RANBP2: variants seen among roughly 807,000 people sequenced by gnomAD.
RANBP2 encodes RAN binding protein 2.
RANBP2 carries 57 observed loss-of-function variants against 303.6 expected under a neutral mutation model. The observed-to-expected ratio is 0.19, with a 90% CI of 0.15 to 0.23. RANBP2 has a LOEUF of 0.23. RANBP2 is among the 10% of genes least tolerant of loss of function. The pLI is 1.00. For synonymous variants in RANBP2, 1,167 were observed against 1,301.5 expected (o/e 0.90, Z 2.23); for missense variants, 3,138 against 3,780.8 (o/e 0.83, Z 4.46).
the RANBP2 span, among the ~76,000 whole-genome samples, chr2:109,342,258 G>A: frequency 6.6e-6 from 1 of 152,178 alleles, no homozygotes; most frequent in Non-Finnish European, 1.5e-5. Context: ...TGGGCAACAT[G>A]GACTGTGAAT....
chr2:109,526,126 C>A, the RANBP2 span, among the ~76,000 whole-genome samples: 1 of 152,066 alleles, frequency 6.6e-6, no homozygotes, highest in East Asian at 1.9e-4. Flanking sequence ...AGACTAAGTT[C>A]CTTATGTCTT....
chr2:109,158,887 G>A, the RANBP2 span, among the ~76,000 whole-genome samples: 39,439 of 152,148 alleles, frequency 0.26, 5,486 homozygotes, highest in East Asian at 0.45. Context: ...AAGTCAAGGC[G>A]GGTGGATCAC....
the RANBP2 span, among the ~76,000 whole-genome samples, chr2:109,242,983 C>T: frequency 4.1e-4 from 63 of 152,350 alleles, no homozygotes; most frequent in Middle Eastern, 3.4e-3. Context: ...TTCCGTGACT[C>T]ATGGTTCTGT....
the RANBP2 span, among the ~76,000 whole-genome samples, chr2:108,970,475 A>G: frequency 1.3e-5 from 2 of 152,132 alleles, no homozygotes; most frequent in Non-Finnish European, 2.9e-5. Context: ...ACTGAGACAC[A>G]AGGAGGGCAG....
At chr2:109,318,471 G>A in the RANBP2 span, among the ~76,000 whole-genome samples, 6 of 152,168 alleles carry the variant, frequency 3.9e-5, no homozygotes, top group African/African-American at 1.2e-4. Context: ...CGGCATACGC[G>A]TTTATCTGAG....
chr2:108,929,341 G>A, the RANBP2 span: 9 of 1,613,946 alleles, frequency 5.6e-6, no homozygotes, highest in African/African-American at 5.3e-5. Flanking sequence ...GGCAGGGGAC[G>A]CAGCCGTAGT....
At chr2:109,196,688 C>T in the RANBP2 span, among the ~76,000 whole-genome samples, 1 of 152,172 alleles carries the variant, frequency 6.6e-6, no homozygotes, top group Non-Finnish European at 1.5e-5. Flanking sequence ...GGGGCTGGCT[C>T]TGTGAATCCT....
chr2:109,052,936 C>T, the RANBP2 span, among the ~76,000 whole-genome samples: 2 of 152,230 alleles, frequency 1.3e-5, no homozygotes, highest in Non-Finnish European at 2.9e-5. Flanking sequence ...CTATGTTTGT[C>T]CTTAAGCCAA....
At chr2:109,653,001 G>C in the RANBP2 span, among the ~76,000 whole-genome samples, 2 of 151,950 alleles carry the variant, frequency 1.3e-5, no homozygotes, top group Admixed American at 1.3e-4. Flanking sequence ...AGAAATAATT[G>C]CCTTTTGTGT....
At chr2:109,424,437 AT>A in the RANBP2 span, among the ~76,000 whole-genome samples, 1 of 151,982 alleles carries the variant, frequency 6.6e-6, no homozygotes, top group Non-Finnish European at 1.5e-5. Flanking sequence ...GGCAAACCTC[AT>A]TTCATCGCAC....
the RANBP2 span, among the ~76,000 whole-genome samples, chr2:108,813,516 A>G: frequency 3.9e-5 from 6 of 152,116 alleles, no homozygotes; most frequent in African/African-American, 1.4e-4. Flanking sequence ...ATTGCTTAGT[A>G]TGTTTTGACA....
the RANBP2 span, among the ~76,000 whole-genome samples, chr2:109,529,059 C>T: frequency 6.6e-6 from 1 of 152,210 alleles, no homozygotes; most frequent in Admixed American, 6.5e-5. Flanking sequence ...GTCACAGCAG[C>T]CGCAGGAAAC....
the RANBP2 span, among the ~76,000 whole-genome samples, chr2:108,843,944 T>G: frequency 2.0e-5 from 3 of 147,696 alleles, no homozygotes; most frequent in African/African-American, 7.5e-5. Context: ...AGGCTGGAGT[T>G]CAGTGGCACA....
At chr2:109,760,758 C>T in the RANBP2 span, among the ~76,000 whole-genome samples, 3 of 143,698 alleles carry the variant, frequency 2.1e-5, no homozygotes, top group African/African-American at 7.5e-5. Flanking sequence ...GGAATGGGAC[C>T]TCGAGTCACT....
the RANBP2 span, among the ~76,000 whole-genome samples, chr2:109,082,363 C>G: frequency 6.6e-6 from 1 of 151,974 alleles, no homozygotes; most frequent in South Asian, 2.1e-4. Context: ...TGCAGTGGTG[C>G]TATCTTGGCT....
the RANBP2 span, among the ~76,000 whole-genome samples, chr2:109,704,127 C>T: frequency 6.6e-6 from 1 of 152,168 alleles, no homozygotes; most frequent in African/African-American, 2.4e-5. Flanking sequence ...ATGATCCCTC[C>T]CCCACATCTG....
chr2:108,876,777 G>T, the RANBP2 span, among the ~76,000 whole-genome samples: 23 of 152,038 alleles, frequency 1.5e-4, no homozygotes, highest in African/African-American at 5.5e-4. Flanking sequence ...CTGTTCACAG[G>T]TTTAAAAACT....
At chr2:108,855,424 T>C in the RANBP2 span, among the ~76,000 whole-genome samples, 3 of 152,142 alleles carry the variant, frequency 2.0e-5, no homozygotes, top group Admixed American at 6.5e-5. Flanking sequence ...GATAAAACTT[T>C]TGTTCCTATA....
At chr2:109,143,260 A>G in the RANBP2 span, among the ~76,000 whole-genome samples, 1 of 152,218 alleles carries the variant, frequency 6.6e-6, no homozygotes, top group South Asian at 2.1e-4. Context: ...GAGTCAATTT[A>G]AAGGAACTCA....
Sources: allele counts gnomAD v4.1 joint callset (sites outside exome capture counted in the v4.1 genomes callset), GRCh38; gene constraint gnomAD v4.1.1; transcripts MANE v1.5; gene names NCBI Gene and HGNC (gene_info 2026-07-23, HGNC 2026-07-21).